ATP13A5: variants seen among roughly 807,000 people sequenced by gnomAD.
The protein encoded by ATP13A5 is probable cation-transporting ATPase 13A5.
Under a neutral mutation model 150.2 loss-of-function variants are expected in ATP13A5, and 149 were observed. The ratio of observed to expected loss-of-function variants is 0.99; its 90% CI spans 0.87 to 1.14. ATP13A5 has a LOEUF of 1.14. Ranked by LOEUF, ATP13A5 falls within the 50% of genes most tolerant of loss-of-function variation. The pLI, the probability that ATP13A5 is intolerant of heterozygous loss-of-function variation, is 0.00. For synonymous variants in ATP13A5, 497 were observed against 522.2 expected, an observed-to-expected ratio of 0.95 and a Z score of 0.66; for missense variants, 1,383 against 1,449.3, an observed-to-expected ratio of 0.95 and a Z score of 0.74.
At chr3:193,278,266 C>T (rs1331323484) in intron 28 of ATP13A5, among the ~76,000 whole-genome samples, 2 of 152,142 alleles carry the variant, frequency 1.3e-5, no homozygotes, top group African/African-American at 4.8e-5. Context: ...AATTGCTTGT[C>T]TCTCCTCTCA....
At chr3:193,342,692 C>T (rs886285560) in intron 9 of ATP13A5, among the ~76,000 whole-genome samples, 4 of 152,118 alleles carry the variant, frequency 2.6e-5, no homozygotes, top group Non-Finnish European at 4.4e-5. Context: ...TCTATACACC[C>T]GCTACAGTGA....
chr3:193,283,647 A>C (rs1256584596), intron 27 of ATP13A5, among the ~76,000 whole-genome samples: 1 of 152,148 alleles, frequency 6.6e-6, no homozygotes, highest in Non-Finnish European at 1.5e-5. Flanking sequence ...AACTGATAGA[A>C]GTGAAAATCA....
Position 193,344,653 on chromosome 3 carries a change from A to G in ATP13A5, c.814+350T>C, listed in dbSNP as rs558894310. The stretch of plus-strand genomic sequence containing the variant: ...AAGGAACCTTAAGAAGGTTTACCCA[A>G]TGTTATTCGAATGAGTGACATGTGA... On this transcript the variant is annotated intron_variant, in intron 8 of 29. Transcript: ENST00000342358. 6.6e-5 allele frequency among the ~76,000 whole-genome samples: 10 copies of G among 152,304 alleles called. No homozygotes were observed. In the East Asian group the frequency reaches 9.6e-4, roughly 15 times the overall value.
chr3:193,286,479 A>G (rs191735177), intron 26 of ATP13A5, among the ~76,000 whole-genome samples: 32 of 152,230 alleles, frequency 2.1e-4, no homozygotes, highest in African/African-American at 7.5e-4. Flanking sequence ...AATTCTTGCA[A>G]TGTTTTAAAC....
chr3:193,345,460 C>A (rs1712299899), intron 7 of ATP13A5, among the ~76,000 whole-genome samples: 1 of 152,140 alleles, frequency 6.6e-6, no homozygotes, highest in Non-Finnish European at 1.5e-5. Context: ...TTCAGAGAGA[C>A]TCCAGGGATG....
intron 1 of ATP13A5, among the ~76,000 whole-genome samples, chr3:193,367,500 A>G (rs1280387109): frequency 2.0e-5 from 3 of 152,140 alleles, no homozygotes; most frequent in Non-Finnish European, 4.4e-5. Context: ...GCATACTCAG[A>G]CACCAAACTC....
At chr3:193,354,090 C>T (rs533227984) in intron 6 of ATP13A5, 37 bp downstream of exon 6, 6 of 1,525,148 alleles carry the variant, frequency 3.9e-6, no homozygotes, top group Non-Finnish European at 5.3e-6. Flanking sequence ...GGGCAGAAAT[C>T]TATTTTTTCA....
intron 5 of ATP13A5, among the ~76,000 whole-genome samples, chr3:193,357,540 G>A (rs1044179952): frequency 6.6e-6 from 1 of 152,172 alleles, no homozygotes; most frequent in Non-Finnish European, 1.5e-5. Context: ...TAATGGCTGA[G>A]CAATGGGAAG....
At chr3:193,297,161 T>C (rs1043828340) in intron 25 of ATP13A5, among the ~76,000 whole-genome samples, 9 of 151,966 alleles carry the variant, frequency 5.9e-5, no homozygotes, top group Non-Finnish European at 8.8e-5. Flanking sequence ...TAAAAATAAG[T>C]CCTTTCTTCT....
intron 21 of ATP13A5, among the ~76,000 whole-genome samples, chr3:193,308,476 A>C (rs533799701): frequency 6.6e-6 from 1 of 152,280 alleles, no homozygotes; most frequent in African/African-American, 2.4e-5. Context: ...AAAAAAAGTC[A>C]AATGTAGGCA....
intron 1 of ATP13A5, among the ~76,000 whole-genome samples, chr3:193,366,975 A>T (rs570964298): frequency 6.6e-6 from 1 of 152,218 alleles, no homozygotes; most frequent in Admixed American, 6.5e-5. Flanking sequence ...AATTACAATA[A>T]ATATTAGGAA....
At chr3:193,340,027 GT>G (rs1451646535) in intron 9 of ATP13A5, among the ~76,000 whole-genome samples, 1 of 152,230 alleles carries the variant, frequency 6.6e-6, no homozygotes, top group Non-Finnish European at 1.5e-5. Context: ...GAAGCCTCAT[GT>G]TTTGGCCTTT....
intron 23 of ATP13A5, among the ~76,000 whole-genome samples, chr3:193,303,582 T>G (rs1158601557): frequency 6.6e-6 from 1 of 151,974 alleles, no homozygotes; most frequent in African/African-American, 2.4e-5. Context: ...AGGAGATATT[T>G]CTCCTTTAAA....
chr3:193,346,969 G>A (rs535513107), intron 7 of ATP13A5, among the ~76,000 whole-genome samples: 4 of 152,238 alleles, frequency 2.6e-5, no homozygotes, highest in East Asian at 1.9e-4. Flanking sequence ...TTTCTGAGTC[G>A]TAGGTCAGGC....
chr3:193,315,049 T>A lies in ATP13A5; in HGVS notation c.2081A>T (p.Glu694Val), dbSNP rs187199317. 6.5e-5 allele frequency: 105 copies of A among 1,613,796 alleles called. No homozygotes were observed. The Admixed American group carries it at 1.7e-3, about 27-fold the overall frequency. ...TTTGGTTTCTTTTTTCAAGCGATTC[T>A]CCATGATGAGAAGTCCCAGAAATGT... ...ELTFLGLLIM[E>V]NRLKKETKLV... Residue 694 changes from glutamate (E) to valine (V), a missense_variant, in exon 18 of 30, where the codon GAG (glutamate) becomes GTG (valine). Glu to Val is a moderately radical substitution (Grantham distance 121). Transcript: ENST00000342358.
chr3:193,341,069 A>T (rs1712100993), intron 9 of ATP13A5, among the ~76,000 whole-genome samples: 3 of 152,192 alleles, frequency 2.0e-5, no homozygotes, highest in African/African-American at 7.2e-5. Flanking sequence ...GGTTGAATGA[A>T]ATAGTATATG....
Position 193,333,875 on chromosome 3 carries a change from A to C in ATP13A5, c.1147T>G (p.Ser383Ala). The change falls in exon 11 of 30, where the codon TCC becomes GCC. Residue 383 changes from serine to alanine, a missense_variant. Ser to Ala is a moderately conservative substitution (Grantham distance 99, BLOSUM62 1). This residue lies in a region of ATP13A5 where 787 missense variants were observed against 771.9 expected (regional missense o/e 1.02). Transcript: ENST00000342358. Reference protein sequence around the residue: ...YNTAKGDLVRSILYPRPLNFK... With the variant: ...YNTAKGDLVRAILYPRPLNFK... ...TTCAGAGGCCGGGGGTACAGGATGGATCTCACTAAGTCCCCTTTGGCTGTA... is the reference window on the plus strand; with the variant it reads ...TTCAGAGGCCGGGGGTACAGGATGGCTCTCACTAAGTCCCCTTTGGCTGTA... The C allele has an allele frequency of 6.2e-7, 1 of 1,613,840 alleles. No individual in the cohort carries two copies.
rs1288268111 is a variant in ATP13A5, at chr3:193,348,969, C to T, written c.741+2098G>A. ...CTTCACCTCCTGGATTGCCCCTGTC[C>T]CTCCCTCTCAGGTGGTTAGGAGGCT... On this transcript the variant is annotated intron_variant, in intron 7 of 29. Transcript: ENST00000342358. 2.7e-5 allele frequency among the ~76,000 whole-genome samples: 4 copies of T among 150,698 alleles called. No homozygotes were observed. In the East Asian group the frequency reaches 6.0e-4, roughly 22 times the overall value.
chr3:193,297,742 G>A (rs1331277479), intron 25 of ATP13A5, among the ~76,000 whole-genome samples: 1 of 152,064 alleles, frequency 6.6e-6, no homozygotes, highest in Non-Finnish European at 1.5e-5. Context: ...CTGGCATGAG[G>A]CTCAACAGGC....
Sources: gnomAD v4.1 joint callset for allele counts (sites outside exome capture counted in the v4.1 genomes callset) on GRCh38, gnomAD v4.1.1 for gene constraint, gnomAD v4.1.1 regional missense constraint, MANE v1.5 for transcripts, NCBI Gene and HGNC (gene_info 2026-07-23, HGNC 2026-07-21) for gene names.